The following KANSL1 variants were observed in gnomAD, a reference collection of about 807,000 sequenced individuals.
KANSL1 encodes the protein MLL1/MLL complex subunit KANSL1.
In KANSL1, 22 loss-of-function variants were observed where a neutral mutation model predicts 103.6. The ratio of observed to expected loss-of-function variants is 0.21; its 90% CI spans 0.15 to 0.30. The LOEUF is 0.30. Among genes scored for constraint, KANSL1 ranks in the 10% least tolerant of loss-of-function variants. KANSL1 has a pLI of 1.00. For missense variants in KANSL1, 1,337 were observed against 1,399.8 expected, an observed-to-expected ratio of 0.96 and a Z score of 0.72; for synonymous variants, 600 against 527.6, an observed-to-expected ratio of 1.14 and a Z score of -1.88.
intron 6 of KANSL1, among the ~76,000 whole-genome samples, chr17:46,058,737 ACACACACTCTCT>A (rs1448086929): frequency 8.3e-5 from 6 of 72,340 alleles, no homozygotes; most frequent in East Asian, 4.7e-4. Context: ...ACACACACAC[ACACACACTCTCT>A]CTCTCTCTCT....
chr17:46,191,093 C>G (rs1174331600), intron 1 of KANSL1, among the ~76,000 whole-genome samples: 1 of 152,002 alleles, frequency 6.6e-6, no homozygotes, highest in Non-Finnish European at 1.5e-5. Flanking sequence ...TGTCTAGTAA[C>G]CTATGTAGAA....
chr17:46,184,755 C>T (rs1007498735), intron 1 of KANSL1, among the ~76,000 whole-genome samples: 2 of 152,158 alleles, frequency 1.3e-5, no homozygotes, highest in African/African-American at 4.8e-5. Context: ...CTTACCTGCA[C>T]CCCCATGACA....
chr17:46,164,441 G>A (rs1023016498), intron 2 of KANSL1, among the ~76,000 whole-genome samples: 2 of 152,254 alleles, frequency 1.3e-5, no homozygotes, highest in Non-Finnish European at 2.9e-5. Flanking sequence ...TAGGAGAAAA[G>A]CCAAGGGGCA....
intron 2 of KANSL1, among the ~76,000 whole-genome samples, chr17:46,161,814 T>A (rs955479315): frequency 2.0e-5 from 3 of 152,210 alleles, no homozygotes; most frequent in Admixed American, 1.3e-4. Flanking sequence ...TTACCTGAGT[T>A]CTGAATATAA....
intron 4 of KANSL1, among the ~76,000 whole-genome samples, chr17:46,078,454 G>T (rs1260119987): frequency 6.6e-6 from 1 of 152,182 alleles, no homozygotes; most frequent in Non-Finnish European, 1.5e-5. Context: ...CAAATAGATT[G>T]TGGGCCTATG....
At chr17:46,186,911 T>G (rs1289977189) in intron 1 of KANSL1, among the ~76,000 whole-genome samples, 2 of 152,104 alleles carry the variant, frequency 1.3e-5, no homozygotes, top group Non-Finnish European at 2.9e-5. Context: ...CTGTTTTTTT[T>G]TTTAGTAGAG....
intron 3 of KANSL1, among the ~76,000 whole-genome samples, chr17:46,082,780 G>A (rs1323537978): frequency 6.6e-6 from 1 of 151,948 alleles, no homozygotes. Flanking sequence ...TGGCTCATCA[G>A]CCATTTAGCA....
intron 1 of KANSL1, among the ~76,000 whole-genome samples, chr17:46,213,155 T>C (rs901485578): frequency 2.6e-5 from 4 of 152,254 alleles, no homozygotes; most frequent in East Asian, 1.9e-4. Flanking sequence ...AACCATACGC[T>C]TGCCTGTCTT....
At chr17:46,097,225 G>C (rs187241263) in intron 2 of KANSL1, among the ~76,000 whole-genome samples, 1 of 152,288 alleles carries the variant, frequency 6.6e-6, no homozygotes, top group Admixed American at 6.5e-5. Flanking sequence ...GTATCAACAT[G>C]ATTAAATCTA....
chr17:46,194,395 T>C (rs536911763), upstream of KANSL1, among the ~76,000 whole-genome samples: 1 of 152,328 alleles, frequency 6.6e-6, no homozygotes, highest in East Asian at 1.9e-4. Flanking sequence ...GTTACCAGAG[T>C]TGGTTTAAAG....
intron 4 of KANSL1, among the ~76,000 whole-genome samples, chr17:46,075,052 T>A (rs976628520): frequency 7.2e-5 from 11 of 152,150 alleles, no homozygotes; most frequent in Admixed American, 5.2e-4. Flanking sequence ...ACCAGAAATC[T>A]TGTATCCAAG....
intron 1 of KANSL1, among the ~76,000 whole-genome samples, chr17:46,200,105 T>A (rs182771082): frequency 7.1e-6 from 1 of 141,434 alleles, no homozygotes; most frequent in East Asian, 1.9e-4. Context: ...TTCTAATGTT[T>A]TTAACTTTAG....
At chr17:46,202,390 G>T (rs1203217986) in intron 1 of KANSL1, among the ~76,000 whole-genome samples, 1 of 152,178 alleles carries the variant, frequency 6.6e-6, no homozygotes, top group Non-Finnish European at 1.5e-5. Context: ...CAGAGCAAAA[G>T]GCAGAATTCT....
chr17:46,078,784 G>C (rs1026912136), intron 4 of KANSL1, among the ~76,000 whole-genome samples: 7 of 152,230 alleles, frequency 4.6e-5, no homozygotes, highest in African/African-American at 1.2e-4. Context: ...GAGAGAATGA[G>C]AAGGTGGGGA....
chr17:46,196,911 A>G (rs920968874), upstream of KANSL1, among the ~76,000 whole-genome samples: 2 of 152,146 alleles, frequency 1.3e-5, no homozygotes, highest in East Asian at 3.9e-4. Context: ...GTTTGAGAAC[A>G]GCCCAGGGAA....
upstream of KANSL1, among the ~76,000 whole-genome samples, chr17:46,197,374 G>T (rs985737964): frequency 5.3e-5 from 8 of 152,344 alleles, no homozygotes; most frequent in African/African-American, 1.9e-4. Flanking sequence ...TGGGCGTGGT[G>T]GCTCATGCCT....
intron 2 of KANSL1, among the ~76,000 whole-genome samples, chr17:46,104,088 C>T (rs111952388): frequency 0.14 from 21,684 of 151,942 alleles, 2,122 homozygotes; most frequent in Non-Finnish European, 0.22. Context: ...TTCTGTAGGT[C>T]AGCTGATAAA....
rs202225903 is a variant in KANSL1 at position 46,176,883 on chromosome 17, GGA to G, written c.-89-4653_-89-4652del. 5.9e-5 allele frequency among the ~76,000 whole-genome samples: 9 copies of G among 152,164 alleles called. No homozygotes were observed. In the East Asian group the frequency reaches 1.4e-3, roughly 23 times the overall value. On this transcript the variant is annotated intron_variant, in intron 1 of 14. Transcript: ENST00000432791. Reference sequence around the variant, plus strand: ...ATCATCTAAGTAAGGGGGTGGGGGAGGAGAGAGAGTGCAGAGAACAGGAAAAA... The same window carrying G: ...ATCATCTAAGTAAGGGGGTGGGGGAGGAGAGAGTGCAGAGAACAGGAAAAA...
rs71138525 is a variant in KANSL1 at position 46,096,311 on chromosome 17, C to CTTTTTTTTTTTTTTTTTT, written c.1290-1628_1290-1611dup. Among the ~76,000 whole-genome samples the CTTTTTTTTTTTTTTTTTT allele has an allele frequency of 3.0e-3, 231 of 76,388 alleles. 12 individuals are homozygous for CTTTTTTTTTTTTTTTTTT. The highest frequency in any genetic ancestry group is 4.8e-3 in the East Asian group (10 of 2,074). The allele number at this position is 76,388 out of a possible 152,430, so 50.1% of individuals were successfully genotyped here. On this transcript the variant is annotated intron_variant, in intron 2 of 14. Transcript: ENST00000432791. The stretch of plus-strand genomic sequence containing the variant: ...CATACTACATACCTGGCTTTTTTTT[C>CTTTTTTTTTTTTTTTTTT]TTTTTTTTTTTTTTTTTTTTTGAGA...
Sources: gnomAD v4.1 joint callset for allele counts (sites outside exome capture counted in the v4.1 genomes callset) on GRCh38, gnomAD v4.1.1 for gene constraint, MANE v1.5 for transcripts, NCBI Gene and HGNC (gene_info 2026-07-23, HGNC 2026-07-21) for gene names.